The following SLIT3 variants were observed in gnomAD, a reference collection of about 807,000 sequenced individuals.
SLIT3 encodes slit homolog 3 protein.
In SLIT3, 68 loss-of-function variants were observed where a neutral mutation model predicts 184.0. The ratio of observed to expected loss-of-function variants is 0.37; its 90% CI spans 0.30 to 0.45. SLIT3 has a LOEUF of 0.45. SLIT3 is among the 20% of genes least tolerant of loss of function. The probability of loss-of-function intolerance (pLI) is 1.00; values close to 1 mark genes in which losing one functional copy is unlikely to be tolerated. For synonymous variants in SLIT3, 831 were observed against 828.6 expected (o/e 1.00, Z -0.05); for missense variants, 1,707 against 2,026.0 (o/e 0.84, Z 3.02).
At chr5:168,965,061 C>T (rs1322436277) in intron 4 of SLIT3, among the ~76,000 whole-genome samples, 1 of 152,166 alleles carries the variant, frequency 6.6e-6, no homozygotes, top group Non-Finnish European at 1.5e-5. Flanking sequence ...AAATGGTGCA[C>T]CCTGGGCACC....
chr5:169,260,757 A>T (rs1423839955), intron 1 of SLIT3, among the ~76,000 whole-genome samples: 1 of 152,222 alleles, frequency 6.6e-6, no homozygotes, highest in Non-Finnish European at 1.5e-5. Flanking sequence ...ACAAGTCTTC[A>T]TCATTAAGTT....
intron 4 of SLIT3, among the ~76,000 whole-genome samples, chr5:169,044,731 A>G (rs866597335): frequency 6.6e-6 from 1 of 152,198 alleles, no homozygotes; most frequent in Non-Finnish European, 1.5e-5. Flanking sequence ...TAAGATGGTG[A>G]ATCTTATGTT....
rs1761023658 is a variant in SLIT3, at chr5:168,665,997, T to G, written c.*457A>C. ...TCTCTCTTCCTCTTATTCCTTTTTC[T>G]GATCTCAATGAGCAGCTCTTGGTCT... On this transcript the variant is annotated 3_prime_UTR_variant, in exon 36 of 36. Transcript: ENST00000519560. The G allele has an allele frequency of 6.6e-6, 1 of 152,566 alleles. No homozygotes were observed. Among genetic ancestry groups the G allele is most frequent in the South Asian group, 2.1e-4 (1 of 4,838 alleles). 9.5% of individuals were successfully genotyped at this position (152,566 alleles called of 1,614,324 possible). A position where few individuals can be genotyped will look rare whatever the true frequency, so the allele number is the denominator to read the frequency against.
intron 4 of SLIT3, chr5:169,018,597 G>A (rs565726211): frequency 5.3e-5 from 8 of 152,334 alleles, no homozygotes; most frequent in South Asian, 2.1e-4. Flanking sequence ...GAAATCAGGC[G>A]TGAGCGCAAG....
intron 4 of SLIT3, among the ~76,000 whole-genome samples, chr5:169,129,814 T>C (rs901481890): frequency 6.6e-6 from 1 of 151,208 alleles, no homozygotes; most frequent in African/African-American, 2.5e-5. Flanking sequence ...TGCCAGTTTC[T>C]TTGGTGGTTT....
intron 12 of SLIT3, among the ~76,000 whole-genome samples, chr5:168,775,257 C>G (rs755639883): frequency 1.3e-5 from 2 of 152,050 alleles, no homozygotes; most frequent in Non-Finnish European, 2.9e-5. Context: ...AGGCTGGTCT[C>G]GAACTCCTGA....
intron 4 of SLIT3, among the ~76,000 whole-genome samples, chr5:169,108,318 C>A (rs1000554778): frequency 2.0e-5 from 3 of 152,208 alleles, no homozygotes; most frequent in African/African-American, 7.2e-5. Flanking sequence ...CTGGAGTCAC[C>A]ACATTTGAGA....
At position 169,140,122 on chromosome 5, in the gene SLIT3, G is replaced by A. The variant is rs546467045; in HGVS notation, c.413+53357C>T. On this transcript the variant is annotated intron_variant, in intron 4 of 35. Transcript: ENST00000519560. ...GGGAATACTAAAATAAAGTCCTGAC[G>A]GTGGGCAAGTGGCACAGGCAGCTGG... is the stretch of plus-strand genomic sequence containing the variant. Among the ~76,000 whole-genome samples the A allele has an allele frequency of 1.3e-4, 20 of 151,896 alleles. No homozygotes were observed. The South Asian group carries it at 3.1e-3, about 24-fold the overall frequency.
chr5:168,889,861 CA>C (rs1210164111), intron 4 of SLIT3, among the ~76,000 whole-genome samples: 1 of 152,100 alleles, frequency 6.6e-6, no homozygotes, highest in Non-Finnish European at 1.5e-5. Context: ...AAAGTGAGAG[CA>C]AGGATGGGTG....
At chr5:168,973,488 T>A (rs1052399602) in intron 4 of SLIT3, among the ~76,000 whole-genome samples, 1 of 152,184 alleles carries the variant, frequency 6.6e-6, no homozygotes, top group Non-Finnish European at 1.5e-5. Flanking sequence ...CTCAGGTGAT[T>A]CACCTGCCTC....
intron 4 of SLIT3, among the ~76,000 whole-genome samples, chr5:169,050,321 T>C (rs1757771668): frequency 6.6e-6 from 1 of 152,224 alleles, no homozygotes; most frequent in East Asian, 1.9e-4. Flanking sequence ...ATTTGCCCAT[T>C]ATCAGTTATC....
intron 4 of SLIT3, 94 bp from the exon 5 acceptor site, chr5:168,883,430 G>C (rs1760031575): frequency 1.0e-6 from 1 of 957,708 alleles, no homozygotes; most frequent in Admixed American, 1.9e-5. Context: ...CACCCAGGCT[G>C]CTGCCTCTGC....
At chr5:169,189,937 C>G (rs1763495690) in intron 4 of SLIT3, among the ~76,000 whole-genome samples, 1 of 152,124 alleles carries the variant, frequency 6.6e-6, no homozygotes, top group Non-Finnish European at 1.5e-5. Context: ...TGTAAGGATC[C>G]AAAGTACTCA....
At chr5:168,877,543 G>A (rs569183266) in intron 5 of SLIT3, among the ~76,000 whole-genome samples, 7 of 152,104 alleles carry the variant, frequency 4.6e-5, no homozygotes, top group Non-Finnish European at 7.4e-5. Flanking sequence ...ACCAACGAAC[G>A]GGTGCTGGTG....
chr5:169,081,222 G>A (rs35632022), intron 4 of SLIT3, among the ~76,000 whole-genome samples: 6,029 of 152,242 alleles, frequency 0.04, 163 homozygotes, highest in Middle Eastern at 0.1. Context: ...CCCCTGGAGG[G>A]GTGCAGTGCT....
intron 4 of SLIT3, among the ~76,000 whole-genome samples, chr5:169,073,051 C>T (rs754877133): frequency 2.6e-5 from 4 of 152,182 alleles, no homozygotes; most frequent in African/African-American, 7.2e-5. Context: ...GCTCACACAA[C>T]GCAGGGAGAG....
chr5:168,901,658 G>A (rs953942509), intron 4 of SLIT3, among the ~76,000 whole-genome samples: 1 of 152,108 alleles, frequency 6.6e-6, no homozygotes, highest in Admixed American at 6.5e-5. Context: ...TTGAGGCTCC[G>A]AAAGAAAAAG....
intron 4 of SLIT3, among the ~76,000 whole-genome samples, chr5:168,974,530 C>T (rs1345064449): frequency 6.6e-6 from 1 of 152,182 alleles, no homozygotes; most frequent in South Asian, 2.1e-4. Context: ...ATTTTCATAT[C>T]ACTGTGGCTT....
At chr5:169,004,513 C>T (rs986843495) in intron 4 of SLIT3, among the ~76,000 whole-genome samples, 12 of 152,130 alleles carry the variant, frequency 7.9e-5, no homozygotes, top group Non-Finnish European at 1.5e-4. Flanking sequence ...TACTGCTCAG[C>T]GTGATGCAGA....
Sources: allele counts gnomAD v4.1 joint callset (sites outside exome capture counted in the v4.1 genomes callset), GRCh38; gene constraint gnomAD v4.1.1; transcripts MANE v1.5; gene names NCBI Gene and HGNC (gene_info 2026-07-23, HGNC 2026-07-21).